The following USP32 variants were observed in gnomAD, a reference collection of about 807,000 sequenced individuals.
The protein encoded by USP32 is ubiquitin carboxyl-terminal hydrolase 32.
A neutral mutation model predicts 204.8 loss-of-function variants in USP32; 59 were observed. The ratio of observed to expected loss-of-function variants is 0.29; its 90% CI spans 0.23 to 0.36. The LOEUF (loss-of-function observed/expected upper bound fraction) is 0.36, where lower values mean the gene tolerates loss of function less well. Ranked by LOEUF, USP32 falls within the 10% of genes least tolerant of loss-of-function variation. The pLI is 1.00. For synonymous variants in USP32, 517 were observed against 678.4 expected, an observed-to-expected ratio of 0.76 and a Z score of 3.70; for missense variants, 1,160 against 1,946.4, an observed-to-expected ratio of 0.60 and a Z score of 7.60.
At chr17:60,333,598 C>CA (rs1427289528) in intron 2 of USP32, among the ~76,000 whole-genome samples, 1 of 130,578 alleles carries the variant, frequency 7.7e-6, no homozygotes, top group Non-Finnish European at 1.6e-5. Flanking sequence ...GACTCCATCT[C>CA]AAAAACAAAA....
intron 7 of USP32, among the ~76,000 whole-genome samples, chr17:60,267,754 T>C (rs1302883956): frequency 6.6e-6 from 1 of 150,730 alleles, no homozygotes; most frequent in African/African-American, 2.4e-5. Flanking sequence ...CTCCTGACCT[T>C]GTGATCCGCC....
intron 5 of USP32, among the ~76,000 whole-genome samples, chr17:60,281,628 C>A (rs993612201): frequency 6.6e-6 from 1 of 151,980 alleles, no homozygotes; most frequent in African/African-American, 2.4e-5. Flanking sequence ...CTTGAAACAG[C>A]CTTATAAGGT....
chr17:60,385,233 C>T (rs985691666), intron 1 of USP32, among the ~76,000 whole-genome samples: 4 of 152,178 alleles, frequency 2.6e-5, no homozygotes, highest in Non-Finnish European at 5.9e-5. Flanking sequence ...AGAAAAACCC[C>T]CTTTGACTGT....
intron 11 of USP32, among the ~76,000 whole-genome samples, chr17:60,247,330 C>T (rs900885406): frequency 6.6e-6 from 1 of 152,018 alleles, no homozygotes; most frequent in South Asian, 2.1e-4. Flanking sequence ...CAGGCGCCTG[C>T]CACCATACCC....
At chr17:60,260,047 C>T (rs1279571670) in intron 9 of USP32, among the ~76,000 whole-genome samples, 2 of 152,070 alleles carry the variant, frequency 1.3e-5, no homozygotes. Flanking sequence ...ACTAACTGTA[C>T]AAGAAGTTAA....
At chr17:60,414,620 G>A (rs1015975196) in intron 1 of USP32, among the ~76,000 whole-genome samples, 1 of 151,386 alleles carries the variant, frequency 6.6e-6, no homozygotes, top group African/African-American at 2.4e-5. Flanking sequence ...GTAGAGACGG[G>A]GTTTTGCCAT....
At chr17:60,404,660 T>C (rs529714581) in intron 1 of USP32, among the ~76,000 whole-genome samples, 1 of 152,276 alleles carries the variant, frequency 6.6e-6, no homozygotes, top group East Asian at 1.9e-4. Flanking sequence ...TGTAGAAGAG[T>C]GCACCTCAGC....
At chr17:60,315,783 T>G (rs964165513) in intron 2 of USP32, 1 of 152,390 alleles carries the variant, frequency 6.6e-6, no homozygotes, top group African/African-American at 2.4e-5. Flanking sequence ...TTTAGCTCAC[T>G]GAGCTCCTGC....
At chr17:60,245,242 C>A in intron 11 of USP32, 1 of 178,596 alleles carries the variant, frequency 5.6e-6, no homozygotes, top group Non-Finnish European at 1.1e-5. Flanking sequence ...TTTTTTTTGG[C>A]AGTTTTTATG....
intron 25 of USP32, 38 bp from the exon 26 acceptor site, chr17:60,205,696 T>C (rs1283915333): frequency 1.9e-6 from 3 of 1,605,772 alleles, no homozygotes; most frequent in Non-Finnish European, 2.6e-6. Context: ...CATAAGCTTG[T>C]GGTATTTTCA....
intron 1 of USP32, among the ~76,000 whole-genome samples, chr17:60,399,938 T>A (rs1285731878): frequency 6.6e-6 from 1 of 152,028 alleles, no homozygotes; most frequent in Non-Finnish European, 1.5e-5. Context: ...TCAGAAGCTG[T>A]CACAGGTTTT....
chr17:60,294,868 G>A, intron 3 of USP32, 67 bp from the exon 4 acceptor site: 1 of 993,832 alleles, frequency 1.0e-6, no homozygotes, highest in Non-Finnish European at 1.5e-6. Context: ...TGGAAGTAGG[G>A]AGAAAAGACA....
intron 15 of USP32, 32 bp from the exon 16 acceptor site, chr17:60,219,819 A>T (rs759938177): frequency 6.4e-7 from 1 of 1,564,542 alleles, no homozygotes; most frequent in Non-Finnish European, 8.6e-7. Context: ...AGAGATCACT[A>T]AAAAAAGAAA....
Position 60,226,036 on chromosome 17 carries a change from T to G in USP32, c.1432+3A>C. 1 of 1,597,802 alleles carries G rather than the reference T, an allele frequency of 6.3e-7. No individual in the cohort carries two copies. The highest frequency in any genetic ancestry group is 8.5e-7 in the Non-Finnish European group (1 of 1,174,484). ...AAACCTCAGGGGAATAGGTCATATTTACCGCTGCCAGCAGTTTCTGAGGCT... is the reference window on the plus strand; with the variant it reads ...AAACCTCAGGGGAATAGGTCATATTGACCGCTGCCAGCAGTTTCTGAGGCT... On this transcript the variant is annotated splice_donor_region_variant and intron_variant, in intron 13 of 33. Transcript: ENST00000300896.
chr17:60,261,058 C>T lies in USP32; in HGVS notation c.990+4354G>A, dbSNP rs563774181. ...TCAGGAGTTTTACACTGAACAGTCA[C>T]GACTAAAATTCCAGGACAGAAAAAT... On this transcript the variant is annotated intron_variant, in intron 9 of 33. Transcript: ENST00000300896. Among the ~76,000 whole-genome samples, 7 of 152,202 alleles carry T rather than the reference C, an allele frequency of 4.6e-5. No homozygotes were observed. The East Asian group carries it at 7.7e-4, about 17-fold the overall frequency.
intron 1 of USP32, among the ~76,000 whole-genome samples, chr17:60,381,486 C>T (rs540089108): frequency 6.6e-6 from 1 of 152,130 alleles, no homozygotes; most frequent in South Asian, 2.1e-4. Flanking sequence ...GACTATTTGC[C>T]TCCTACTCCT....
intron 2 of USP32, among the ~76,000 whole-genome samples, chr17:60,334,491 G>GA: frequency 6.6e-6 from 1 of 151,800 alleles, no homozygotes; most frequent in East Asian, 1.9e-4. Flanking sequence ...TATATTCATT[G>GA]AAAAAAATCT....
chr17:60,221,219 T>G (rs867638023), intron 15 of USP32, among the ~76,000 whole-genome samples: 2 of 152,134 alleles, frequency 1.3e-5, no homozygotes, highest in African/African-American at 4.8e-5. Flanking sequence ...CACAGCAAGA[T>G]TCTGTCTCTT....
intron 12 of USP32, 133 bp downstream of exon 12, chr17:60,236,005 T>C: frequency 2.8e-6 from 2 of 719,812 alleles, no homozygotes; most frequent in East Asian, 2.6e-5. Context: ...ACTCATTTCC[T>C]TTCCCTTCGA....
Sources: allele counts gnomAD v4.1 joint callset (sites outside exome capture counted in the v4.1 genomes callset), GRCh38; gene constraint gnomAD v4.1.1; transcripts MANE v1.5; gene names NCBI Gene and HGNC (gene_info 2026-07-23, HGNC 2026-07-21).